USP45: variants seen among roughly 807,000 people sequenced by gnomAD.
USP45 encodes ubiquitin specific peptidase 45.
In USP45, 89 loss-of-function variants were observed where a neutral mutation model predicts 95.8. The observed-to-expected ratio is 0.93, with a 90% confidence interval of 0.78 to 1.11. The LOEUF (loss-of-function observed/expected upper bound fraction) is 1.11. USP45 is among the 50% of genes least tolerant of loss of function. USP45 has a pLI of 0.00. For missense variants in USP45, 898 were observed against 942.5 expected (o/e 0.95, Z 0.62); for synonymous variants, 281 against 316.2 (o/e 0.89, Z 1.18).
intron 5 of USP45, among the ~76,000 whole-genome samples, chr6:99,497,033 T>C (rs1462438033): frequency 6.6e-6 from 1 of 152,180 alleles, no homozygotes; most frequent in Non-Finnish European, 1.5e-5. Context: ...CATTATAGTA[T>C]CATACAGAGT....
rs184038617 is a variant in USP45 at position 99,471,150 on chromosome 6, T to C, written c.934-2532A>G. Among the ~76,000 whole-genome samples, 341 of 152,288 alleles carry C rather than the reference T, an allele frequency of 2.2e-3. 2 individuals are homozygous for C. The highest frequency in any genetic ancestry group is 7.8e-3 in the African/African-American group (324 of 41,544). ...TTTTAATTTTGATCCTAACCGTGAATTTATATTCTCTACTCCAAACTGTTT... is the reference window on the plus strand; with the variant it reads ...TTTTAATTTTGATCCTAACCGTGAACTTATATTCTCTACTCCAAACTGTTT... On this transcript the variant is annotated intron_variant, in intron 9 of 17. Coordinates refer to ENST00000500704, the MANE Select transcript of USP45 (RefSeq NM_001346022.3).
At chr6:99,491,202 G>T (rs144135922) in intron 5 of USP45, among the ~76,000 whole-genome samples, 1 of 152,252 alleles carries the variant, frequency 6.6e-6, no homozygotes, top group African/African-American at 2.4e-5. Context: ...CAATGAAGTG[G>T]GTCACTGAAG....
chr6:99,489,840 A>G (rs1261973931), intron 5 of USP45, among the ~76,000 whole-genome samples: 1 of 151,948 alleles, frequency 6.6e-6, no homozygotes, highest in Non-Finnish European at 1.5e-5. Flanking sequence ...AGTCCCAACT[A>G]CTCAGGAGGT....
At chr6:99,512,880 T>G (rs1800205374) in intron 1 of USP45, among the ~76,000 whole-genome samples, 1 of 152,178 alleles carries the variant, frequency 6.6e-6, no homozygotes, top group Non-Finnish European at 1.5e-5. Flanking sequence ...TATCCCCTTC[T>G]CTGACAGCAA....
chr6:99,473,606 A>G (rs1790006472), intron 9 of USP45, among the ~76,000 whole-genome samples: 1 of 151,504 alleles, frequency 6.6e-6, no homozygotes, highest in Non-Finnish European at 1.5e-5. Context: ...AAGTACAAAA[A>G]TTAGCTGGGA....
intron 1 of USP45, among the ~76,000 whole-genome samples, chr6:99,514,265 C>A (rs1800613295): frequency 1.3e-5 from 2 of 152,278 alleles, no homozygotes; most frequent in Admixed American, 6.5e-5. Flanking sequence ...CAAGAGGGGT[C>A]AAACAAAACA....
At chr6:99,505,252 TA>T (rs1310615745) in intron 4 of USP45, among the ~76,000 whole-genome samples, 2 of 152,198 alleles carry the variant, frequency 1.3e-5, no homozygotes, top group African/African-American at 2.4e-5. Context: ...GTTTACTCAT[TA>T]ATACATCGTA....
chr6:99,439,763 C>T lies in USP45; in HGVS notation c.2160+6G>A, dbSNP rs765781310. On this transcript the variant is annotated splice_donor_region_variant and intron_variant, in intron 16 of 17. Coordinates refer to ENST00000500704, the MANE Select transcript of USP45 (RefSeq NM_001346022.3). ...TAAATCAATTAAATATCTTAATATA[C>T]TGTACCTTACAAGTAGCAGAGCAGA... The T allele has an allele frequency of 3.4e-5, 53 of 1,571,480 alleles. No homozygotes were observed. Among genetic ancestry groups the T allele is most frequent in the Non-Finnish European group, 3.4e-5 (39 of 1,154,028 alleles).
rs530988347 is a variant in USP45, at chr6:99,466,519, G to C, written c.1107+153C>G. ...ATAAATTATCACATTTACTTTCTAG[G>C]AGTGTAGCGTATAAAAAGACTTTCA... On this transcript the variant is annotated intron_variant, in intron 11 of 17. Coordinates refer to ENST00000500704, the MANE Select transcript of USP45 (RefSeq NM_001346022.3). Among the ~76,000 whole-genome samples, 7 of 152,228 alleles carry C rather than the reference G, an allele frequency of 4.6e-5. No individual in the cohort carries two copies. The East Asian group carries it at 9.6e-4, about 21-fold the overall frequency.
chr6:99,497,332 T>C (rs1796514735), intron 5 of USP45, among the ~76,000 whole-genome samples: 1 of 152,168 alleles, frequency 6.6e-6, no homozygotes, highest in African/African-American at 2.4e-5. Context: ...GTAAGCATTC[T>C]TCTGGGAACC....
At chr6:99,480,067 G>A (rs1562385030) in intron 8 of USP45, among the ~76,000 whole-genome samples, 1 of 151,874 alleles carries the variant, frequency 6.6e-6, no homozygotes, top group Non-Finnish European at 1.5e-5. Context: ...CAAGAAACAA[G>A]GTCAACATAC....
intron 14 of USP45, among the ~76,000 whole-genome samples, chr6:99,445,379 A>C (rs1161930222): frequency 5.9e-5 from 9 of 151,782 alleles, no homozygotes; most frequent in Admixed American, 5.3e-4. Context: ...GCTACTCAGG[A>C]GGCTGAGGCA....
At chr6:99,496,615 T>A (rs1480059888) in intron 5 of USP45, among the ~76,000 whole-genome samples, 1 of 152,160 alleles carries the variant, frequency 6.6e-6, no homozygotes, top group Non-Finnish European at 1.5e-5. Flanking sequence ...GTCATCTATT[T>A]CACAAAAAAT....
intron 1 of USP45, among the ~76,000 whole-genome samples, chr6:99,511,592 G>A (rs1007181966): frequency 1.3e-5 from 2 of 152,002 alleles, no homozygotes; most frequent in African/African-American, 4.8e-5. Flanking sequence ...TAGGACTACA[G>A]GTGCACACCA....
At chr6:99,482,657 G>T in intron 8 of USP45, 96 bp downstream of exon 8, 1 of 1,255,394 alleles carries the variant, frequency 8.0e-7, no homozygotes, top group Non-Finnish European at 1.1e-6. Context: ...GGCAATAAGA[G>T]CAAAGTTACA....
chr6:99,465,857 T>C (rs1787828193), intron 11 of USP45, among the ~76,000 whole-genome samples: 1 of 152,176 alleles, frequency 6.6e-6, no homozygotes. Context: ...AAAAAATTCA[T>C]ACATGCTTTA....
At chr6:99,473,802 A>AC (rs1562370187) in intron 9 of USP45, among the ~76,000 whole-genome samples, 123 of 151,412 alleles carry the variant, frequency 8.1e-4, no homozygotes, top group African/African-American at 2.8e-3. Context: ...ACACACACAC[A>AC]AATTCACAGA....
chr6:99,482,636 T>G (rs1364153323), intron 8 of USP45, 117 bp downstream of exon 8: 6 of 1,035,290 alleles, frequency 5.8e-6, no homozygotes, highest in Non-Finnish European at 8.0e-6. Flanking sequence ...TTTAGTTCTC[T>G]TCATAGTCAG....
At chr6:99,490,078 G>T (rs1195352450) in intron 5 of USP45, among the ~76,000 whole-genome samples, 4 of 152,136 alleles carry the variant, frequency 2.6e-5, no homozygotes, top group Non-Finnish European at 5.9e-5. Flanking sequence ...TCAAAATTAT[G>T]ATAATTTGAA....
Sources: gnomAD v4.1 joint callset for allele counts (sites outside exome capture counted in the v4.1 genomes callset) on GRCh38, gnomAD v4.1.1 for gene constraint, MANE v1.5 for transcripts, NCBI Gene and HGNC (gene_info 2026-07-23, HGNC 2026-07-21) for gene names.